The following MCPH1 variants were observed in gnomAD, a reference collection of about 807,000 sequenced individuals.
MCPH1 encodes microcephalin 1, also known as microcephalin.
MCPH1 carries 104 observed loss-of-function variants against 84.5 expected under a neutral mutation model. The observed-to-expected ratio is 1.23, with a 90% confidence interval of 1.05 to 1.45. MCPH1 has a LOEUF of 1.45. Among genes scored for constraint, MCPH1 ranks in the 40% most tolerant of loss-of-function variants. The pLI is 0.00. For synonymous variants in MCPH1, 514 were observed against 366.8 expected (o/e 1.40, Z -4.58); for missense variants, 1,498 against 1,005.7 (o/e 1.49, Z -6.62).
At chr8:6,412,127 A>T (rs980850588) in intron 2 of MCPH1, among the ~76,000 whole-genome samples, 1 of 152,194 alleles carries the variant, frequency 6.6e-6, no homozygotes, top group African/African-American at 2.4e-5. Context: ...GACCTCCCTA[A>T]TGCCTGTCTT....
intron 12 of MCPH1, among the ~76,000 whole-genome samples, chr8:6,534,269 A>G (rs1340817535): frequency 5.9e-5 from 9 of 152,204 alleles, no homozygotes; most frequent in Non-Finnish European, 1.2e-4. Context: ...TATAGCAACT[A>G]TTTACATGGC....
At chr8:6,604,949 A>G (rs995501739) in intron 12 of MCPH1, among the ~76,000 whole-genome samples, 1 of 152,266 alleles carries the variant, frequency 6.6e-6, no homozygotes, top group African/African-American at 2.4e-5. Flanking sequence ...ACAGAATCAA[A>G]CACTTTCAAA....
intron 13 of MCPH1, among the ~76,000 whole-genome samples, chr8:6,640,905 G>T (rs1356912222): frequency 6.6e-6 from 1 of 152,098 alleles, no homozygotes; most frequent in African/African-American, 2.4e-5. Context: ...GACCTATATT[G>T]CCCCCTGTGA....
intron 9 of MCPH1, among the ~76,000 whole-genome samples, chr8:6,467,990 A>G (rs556985440): frequency 1.1e-4 from 16 of 152,284 alleles, no homozygotes; most frequent in African/African-American, 3.8e-4. Flanking sequence ...ATGAATTTGC[A>G]TATTTTTCCC....
chr8:6,523,677 C>G (rs1242023876), intron 12 of MCPH1, among the ~76,000 whole-genome samples: 1 of 152,100 alleles, frequency 6.6e-6, no homozygotes, highest in Non-Finnish European at 1.5e-5. Context: ...GCAACCTCCG[C>G]CTCCCGGATT....
chr8:6,500,764 G>C (rs1812013955), intron 12 of MCPH1: 1 of 152,204 alleles, frequency 6.6e-6, no homozygotes, highest in African/African-American at 2.4e-5. Context: ...GAAATACCGT[G>C]TAAGGAATTG....
At chr8:6,562,607 T>G in intron 12 of MCPH1, 1 of 1,065,598 alleles carries the variant, frequency 9.4e-7, no homozygotes, top group Non-Finnish European at 1.3e-6. Context: ...AAGCTGATCT[T>G]AATAGCATGT....
At position 6,455,169 on chromosome 8, in the gene MCPH1, G is replaced by A. The variant is rs762733593; in HGVS notation, c.1852G>A (p.Asp618Asn). The change falls in exon 9 of 14, where the codon GAT becomes AAT. Residue 618 changes from aspartate to asparagine, a missense_variant. By Grantham distance (23) the Asp-to-Asn change is conservative (BLOSUM62 1). Transcript: ENST00000344683. The part of the protein sequence containing the change: ...GSVKNRPTRH[D>N]VLDDSCDGFK... The stretch of plus-strand genomic sequence containing the variant: ...TGTTAAAAATAGACCAACAAGGCAT[G>A]ATGTTTTAGATGACTCATGTGACGG... The A allele has an allele frequency of 8.7e-6, 14 of 1,613,918 alleles. No individual in the cohort carries two copies. Among genetic ancestry groups the A allele is most frequent in the Middle Eastern group, 1.6e-4 (1 of 6,080 alleles).
At chr8:6,564,352 C>T (rs575240720) in intron 12 of MCPH1, among the ~76,000 whole-genome samples, 2 of 152,242 alleles carry the variant, frequency 1.3e-5, no homozygotes, top group South Asian at 4.2e-4. Context: ...CATTAGTCCC[C>T]CTTGGTATTA....
intron 12 of MCPH1, among the ~76,000 whole-genome samples, chr8:6,575,269 TGAA>T (rs1431931371): frequency 1.3e-5 from 2 of 152,182 alleles, no homozygotes; most frequent in East Asian, 1.9e-4. Context: ...ATGAAACAGG[TGAA>T]GAAGAACAGC....
At chr8:6,634,497 G>A (rs2912066) in intron 13 of MCPH1, among the ~76,000 whole-genome samples, 2,999 of 150,682 alleles carry the variant, frequency 0.02, 91 homozygotes, top group African/African-American at 0.068. Context: ...GAATGACTGT[G>A]CAGTGCTGTG....
At chr8:6,496,147 G>C (rs911172853) in intron 11 of MCPH1, among the ~76,000 whole-genome samples, 1 of 152,144 alleles carries the variant, frequency 6.6e-6, no homozygotes, top group Non-Finnish European at 1.5e-5. Context: ...GGAGCCCTGA[G>C]CTTGTTTTCT....
intron 9 of MCPH1, chr8:6,474,069 C>G: frequency 2.5e-6 from 2 of 790,972 alleles, no homozygotes; most frequent in Non-Finnish European, 4.6e-6. Context: ...ATGTTGGCAT[C>G]TATTCTCAAC....
At chr8:6,606,777 A>G (rs762146765) in intron 12 of MCPH1, among the ~76,000 whole-genome samples, 1 of 152,206 alleles carries the variant, frequency 6.6e-6, no homozygotes, top group Admixed American at 6.5e-5. Context: ...TAATTGAATC[A>G]CAGGGACAGG....
intron 12 of MCPH1, among the ~76,000 whole-genome samples, chr8:6,591,673 T>C (rs529510422): frequency 1.3e-5 from 2 of 152,300 alleles, no homozygotes; most frequent in South Asian, 4.1e-4. Context: ...ATAATTTCCT[T>C]TCCTCCTGCT....
At chr8:6,549,171 C>T (rs1401137328) in intron 12 of MCPH1, among the ~76,000 whole-genome samples, 1 of 152,186 alleles carries the variant, frequency 6.6e-6, no homozygotes, top group Non-Finnish European at 1.5e-5. Flanking sequence ...TGGGTTTGTA[C>T]AGTTGAGTGT....
intron 9 of MCPH1, among the ~76,000 whole-genome samples, chr8:6,465,133 A>T (rs751257440): frequency 6.6e-6 from 1 of 152,202 alleles, no homozygotes; most frequent in African/African-American, 2.4e-5. Flanking sequence ...GTTTGCGGGG[A>T]GTCAGCTTAA....
Position 6,632,963 on chromosome 8 carries a change from C to T in MCPH1, c.2453-10031C>T, listed in dbSNP as rs186057575. The stretch of plus-strand genomic sequence containing the variant: ...GCATTAAGTCTTCTTTTTTCTAATC[C>T]ATTAATTTTCTTAGTAGTGTTAAAA... On this transcript the variant is annotated intron_variant, in intron 13 of 13. Coordinates refer to ENST00000344683, the MANE Select transcript of MCPH1 (RefSeq NM_024596.5). 1.9e-4 allele frequency among the ~76,000 whole-genome samples: 28 copies of T among 151,282 alleles called. No individual in the cohort carries two copies. The East Asian group carries it at 5.0e-3, about 27-fold the overall frequency.
At chr8:6,420,866 G>C (rs539044782) in intron 3 of MCPH1, among the ~76,000 whole-genome samples, 1 of 152,170 alleles carries the variant, frequency 6.6e-6, no homozygotes, top group Non-Finnish European at 1.5e-5. Context: ...AGAATTCCAC[G>C]GAGGAGCATA....
Sources: gnomAD v4.1 joint callset for allele counts (sites outside exome capture counted in the v4.1 genomes callset) on GRCh38, gnomAD v4.1.1 for gene constraint, MANE v1.5 for transcripts, NCBI Gene and HGNC (gene_info 2026-07-23, HGNC 2026-07-21) for gene names.